Variants in CNTLN observed in about 807,000 individuals in gnomAD.
CNTLN encodes the protein centlein, centrosomal protein.
Under a neutral mutation model 180.0 loss-of-function variants are expected in CNTLN, and 212 were observed. The ratio of observed to expected loss-of-function variants is 1.18; its 90% CI spans 1.05 to 1.32. The LOEUF (loss-of-function observed/expected upper bound fraction) is 1.32, where lower values mean the gene tolerates loss of function less well. Among genes scored for constraint, CNTLN ranks in the 40% most tolerant of loss-of-function variants. The pLI is 0.00. For missense variants in CNTLN, 2,095 were observed against 1,610.9 expected (o/e 1.30, Z -5.14); for synonymous variants, 722 against 563.1 (o/e 1.28, Z -3.99).
chr9:17,147,098 A>G (rs1310129994), intron 2 of CNTLN, among the ~76,000 whole-genome samples: 1 of 152,142 alleles, frequency 6.6e-6, no homozygotes, highest in Non-Finnish European at 1.5e-5. Context: ...TGTTTACCAG[A>G]AGGTTTCTCC....
At chr9:17,293,947 C>G (rs1817598234) in intron 6 of CNTLN, among the ~76,000 whole-genome samples, 2 of 152,098 alleles carry the variant, frequency 1.3e-5, no homozygotes, top group African/African-American at 4.8e-5. Context: ...AGTAGTGTGT[C>G]CAGAATTGGT....
chr9:17,366,986 T>G (rs1019570950), intron 13 of CNTLN, among the ~76,000 whole-genome samples: 1 of 152,102 alleles, frequency 6.6e-6, no homozygotes, highest in Non-Finnish European at 1.5e-5. Flanking sequence ...ACTCCAAATT[T>G]AAGAACTACC....
At chr9:17,352,506 C>T (rs1822465804) in intron 12 of CNTLN, among the ~76,000 whole-genome samples, 2 of 150,638 alleles carry the variant, frequency 1.3e-5, no homozygotes, top group Non-Finnish European at 1.5e-5. Flanking sequence ...AAATGTCTGC[C>T]AATGATGACA....
At chr9:17,354,277 A>C (rs1417387991) in intron 12 of CNTLN, among the ~76,000 whole-genome samples, 1 of 152,130 alleles carries the variant, frequency 6.6e-6, no homozygotes, top group Non-Finnish European at 1.5e-5. Flanking sequence ...CCCCTGCTCC[A>C]GGGCGCCCAG....
At chr9:17,305,568 A>T (rs376985034) in intron 7 of CNTLN, among the ~76,000 whole-genome samples, 3 of 152,016 alleles carry the variant, frequency 2.0e-5, no homozygotes, top group East Asian at 1.9e-4. Context: ...TGAGAATAAG[A>T]TGGAATCTAC....
At chr9:17,339,366 G>C (rs970951579) in intron 10 of CNTLN, among the ~76,000 whole-genome samples, 3 of 152,168 alleles carry the variant, frequency 2.0e-5, no homozygotes, top group African/African-American at 7.2e-5. Flanking sequence ...TTAACATGTG[G>C]GAAAAGGAGA....
At chr9:17,415,667 G>A in intron 16 of CNTLN, 121 bp from the exon 17 acceptor site, 1 of 709,734 alleles carries the variant, frequency 1.4e-6, no homozygotes, top group Non-Finnish European at 2.4e-6. Flanking sequence ...GTCTCCCACA[G>A]ACTTAAAAAA....
chr9:17,215,451 AGTCTGCCCCTACTAGGGGGT>A (rs148820417), intron 2 of CNTLN, among the ~76,000 whole-genome samples: 3,203 of 152,272 alleles, frequency 0.021, 112 homozygotes, highest in African/African-American at 0.073. Context: ...GTGAGGTGTC[AGTCTGCCCCTACTAGGGGGT>A]GCCTCCCAGT....
intron 2 of CNTLN, among the ~76,000 whole-genome samples, chr9:17,176,829 C>A (rs770511015): frequency 1.3e-5 from 2 of 152,124 alleles, no homozygotes; most frequent in Non-Finnish European, 2.9e-5. Context: ...TCTTGAGGAA[C>A]TGGTTTTTCT....
chr9:17,274,936 T>G (rs1028581520), intron 6 of CNTLN, among the ~76,000 whole-genome samples: 6 of 152,124 alleles, frequency 3.9e-5, no homozygotes, highest in African/African-American at 1.2e-4. Flanking sequence ...TAAAATGAAT[T>G]AGGACATTAA....
intron 2 of CNTLN, among the ~76,000 whole-genome samples, chr9:17,150,290 C>T (rs923155068): frequency 3.3e-5 from 5 of 152,108 alleles, no homozygotes; most frequent in African/African-American, 9.7e-5. Context: ...CTAGGTCTTA[C>T]GTTTAAGTCT....
chr9:17,234,176 G>T (rs140874178), intron 3 of CNTLN, among the ~76,000 whole-genome samples: 1 of 152,038 alleles, frequency 6.6e-6, no homozygotes, highest in South Asian at 2.1e-4. Flanking sequence ...GAGTATTGGG[G>T]TTGGGCACGG....
At chr9:17,258,264 G>A (rs1031613712) in intron 5 of CNTLN, among the ~76,000 whole-genome samples, 2 of 143,754 alleles carry the variant, frequency 1.4e-5, no homozygotes, top group African/African-American at 5.4e-5. Context: ...TTTTTCTCAG[G>A]TTTGTCAAAG....
chr9:17,191,754 G>C (rs528367942), intron 2 of CNTLN, among the ~76,000 whole-genome samples: 1 of 152,114 alleles, frequency 6.6e-6, no homozygotes, highest in Admixed American at 6.5e-5. Flanking sequence ...GAGAAATAGT[G>C]AATAAATATT....
At chr9:17,269,263 C>G (rs190674849) in intron 5 of CNTLN, among the ~76,000 whole-genome samples, 149 of 152,156 alleles carry the variant, frequency 9.8e-4, no homozygotes, top group African/African-American at 3.3e-3. Context: ...ATTTAATTAA[C>G]CACTACTCTA....
chr9:17,371,011 G>T (rs543496752), intron 13 of CNTLN, among the ~76,000 whole-genome samples: 16 of 152,058 alleles, frequency 1.1e-4, no homozygotes, highest in Admixed American at 9.8e-4. Context: ...AGGAGAAAAG[G>T]TAAGAGAAAA....
chr9:17,441,785 C>G (rs1329864130), intron 18 of CNTLN, among the ~76,000 whole-genome samples: 1 of 151,974 alleles, frequency 6.6e-6, no homozygotes, highest in Non-Finnish European at 1.5e-5. Context: ...CAGAATTCAG[C>G]TATATCCTGT....
intron 3 of CNTLN, among the ~76,000 whole-genome samples, chr9:17,233,439 C>G (rs984253658): frequency 1.3e-5 from 2 of 151,868 alleles, no homozygotes; most frequent in African/African-American, 4.8e-5. Context: ...TGCCTATTAC[C>G]TTGATATTTT....
chr9:17,342,497 T>C, intron 12 of CNTLN, 53 bp downstream of exon 12: 2 of 1,490,426 alleles, frequency 1.3e-6, no homozygotes, highest in South Asian at 2.6e-5. Flanking sequence ...GGGAGAAATT[T>C]TTTCATGGCT....
Sources: allele counts gnomAD v4.1 joint callset (sites outside exome capture counted in the v4.1 genomes callset), GRCh38; gene constraint gnomAD v4.1.1; transcripts MANE v1.5; gene names NCBI Gene and HGNC (gene_info 2026-07-23, HGNC 2026-07-21).